Variants in ARSK observed in about 807,000 individuals in gnomAD.
ARSK encodes arylsulfatase K.
In ARSK, 37 loss-of-function variants were observed where a neutral mutation model predicts 53.2. That is an observed-to-expected ratio of 0.70 (90% CI 0.54 to 0.92). The LOEUF (loss-of-function observed/expected upper bound fraction) is 0.92, where lower values mean the gene tolerates loss of function less well. Ranked by LOEUF, ARSK falls within the 40% of genes least tolerant of loss-of-function variation. The pLI is 0.00. For missense variants in ARSK, 613 were observed against 643.0 expected (o/e 0.95, Z 0.51); for synonymous variants, 208 against 223.2 (o/e 0.93, Z 0.61).
chr5:95,560,192 A>T (rs763834206), intron 1 of ARSK, among the ~76,000 whole-genome samples: 3 of 152,242 alleles, frequency 2.0e-5, no homozygotes, highest in Non-Finnish European at 2.9e-5. Flanking sequence ...ACATTTAAAT[A>T]AATGAACAGA....
chr5:95,565,719 A>G (rs765179881), intron 1 of ARSK, among the ~76,000 whole-genome samples: 4 of 152,186 alleles, frequency 2.6e-5, no homozygotes, highest in Admixed American at 2.0e-4. Context: ...ATAGTTAAGT[A>G]TTCAATAAAT....
chr5:95,584,673 A>G (rs534605481), intron 4 of ARSK, among the ~76,000 whole-genome samples: 10 of 152,266 alleles, frequency 6.6e-5, no homozygotes, highest in Admixed American at 3.9e-4. Flanking sequence ...TCCAGAACCT[A>G]CAAGAAACTC....
Position 95,603,332 on chromosome 5 carries a change from T to C in ARSK, c.1417T>C (p.Tyr473His), listed in dbSNP as rs1157024309. 1.9e-6 allele frequency: 3 copies of C among 1,611,456 alleles called. No individual in the cohort carries two copies. The highest frequency in any genetic ancestry group is 2.5e-6 in the Non-Finnish European group (3 of 1,178,722). Residue 473 changes from tyrosine to histidine, a missense_variant, in exon 8 of 8, where the codon TAC (tyrosine) becomes CAC (histidine). Coordinates refer to ENST00000380009, the MANE Select transcript of ARSK (RefSeq NM_198150.3). ...LDQKLHSIIN[Y>H]PKVSASVHQY... ...TCAGAAGCTTCATTCCATTATAAAC[T>C]ACCCTAAAGTTTCTGCTTCTGTCCA...
chr5:95,591,620 T>G lies in ARSK; in HGVS notation c.1091T>G (p.Met364Arg). 1 of 1,612,936 alleles carries G rather than the reference T, an allele frequency of 6.2e-7. No homozygotes were observed. Among genetic ancestry groups the G allele is most frequent in the Non-Finnish European group, 8.5e-7 (1 of 1,178,902 alleles). Residue 364 changes from methionine (M) to arginine (R), a missense_variant, in exon 6 of 8, where the codon ATG (methionine) becomes AGG (arginine). Met to Arg is a moderately conservative substitution (Grantham distance 91). Transcript: ENST00000380009. ...TCTCTTGTGGATATTTACCCTACCA[T>G]GCTTGGTAAGTAATGTAGTTCTGTA... ...VVSLVDIYPT[M>R]LDIAGIPLPQ...
chr5:95,560,870 T>G (rs1282014278), intron 1 of ARSK, among the ~76,000 whole-genome samples: 1 of 148,382 alleles, frequency 6.7e-6, no homozygotes, highest in African/African-American at 2.5e-5. Flanking sequence ...AGTGGCGCAA[T>G]CTCGGCTTAC....
At chr5:95,583,854 A>C (rs116702763) in intron 4 of ARSK, among the ~76,000 whole-genome samples, 1,669 of 152,246 alleles carry the variant, frequency 0.011, 34 homozygotes, top group African/African-American at 0.038. Flanking sequence ...TAACTTTTGC[A>C]CTTTCAATGT....
rs187291739 is a variant in ARSK at position 95,584,404 on chromosome 5, C to T, written c.699+1206C>T. Among the ~76,000 whole-genome samples, 6 of 152,214 alleles carry T rather than the reference C, an allele frequency of 3.9e-5. No homozygotes were observed. In the East Asian group the frequency reaches 7.7e-4, roughly 20 times the overall value. On this transcript the variant is annotated intron_variant, in intron 4 of 7. Transcript: ENST00000380009. ...ACATACCCTGGTAACTGAAGTCTACCGGGGTAATTTTGTTAGGGGACTGGT... is the reference window on the plus strand; with the variant it reads ...ACATACCCTGGTAACTGAAGTCTACTGGGGTAATTTTGTTAGGGGACTGGT...
chr5:95,589,797 A>T (rs1323161966), intron 5 of ARSK, among the ~76,000 whole-genome samples: 1 of 152,166 alleles, frequency 6.6e-6, no homozygotes, highest in Admixed American at 6.5e-5. Context: ...TATACCCAGT[A>T]ATTGGATTGC....
At chr5:95,570,190 A>C (rs928299139) in intron 3 of ARSK, among the ~76,000 whole-genome samples, 2 of 152,246 alleles carry the variant, frequency 1.3e-5, no homozygotes, top group African/African-American at 4.8e-5. Context: ...TTAAAATCCC[A>C]AATCCACAAC....
At chr5:95,568,462 A>G (rs1281331166) in intron 3 of ARSK, among the ~76,000 whole-genome samples, 1 of 152,164 alleles carries the variant, frequency 6.6e-6, no homozygotes, top group Non-Finnish European at 1.5e-5. Flanking sequence ...TAAGTCCTCA[A>G]AAACCAGGCA....
rs577127637 is a variant in ARSK at position 95,559,945 on chromosome 5, C to T, written c.126+4541C>T. On this transcript the variant is annotated intron_variant, in intron 1 of 7. Transcript: ENST00000380009. ...CAGTAATCTTGTATGTAGGATTCTA[C>T]GGCTCCACTACAAAACTATTGAACT... Among the ~76,000 whole-genome samples the T allele has an allele frequency of 1.2e-4, 18 of 152,196 alleles. 1 individual carries two copies. The highest frequency in any genetic ancestry group is 3.6e-4 in the African/African-American group (15 of 41,542).
chr5:95,591,678 A>C, intron 6 of ARSK, 53 bp downstream of exon 6: 1 of 1,570,772 alleles, frequency 6.4e-7, no homozygotes, highest in Non-Finnish European at 8.8e-7. Context: ...GGAGAATGCA[A>C]CTGAAGTTGT....
intron 3 of ARSK, among the ~76,000 whole-genome samples, chr5:95,578,209 T>C (rs894585996): frequency 2.6e-5 from 4 of 152,108 alleles, no homozygotes; most frequent in Non-Finnish European, 4.4e-5. Flanking sequence ...TGGAGTAAAG[T>C]GGCAGGATCA....
At chr5:95,589,655 C>T (rs1259457198) in intron 5 of ARSK, among the ~76,000 whole-genome samples, 1 of 151,978 alleles carries the variant, frequency 6.6e-6, no homozygotes, top group Non-Finnish European at 1.5e-5. Flanking sequence ...AGATGTACCA[C>T]ATTTTCTTTA....
At chr5:95,591,881 G>C (rs1749224257) in intron 6 of ARSK, among the ~76,000 whole-genome samples, 1 of 152,188 alleles carries the variant, frequency 6.6e-6, no homozygotes, top group African/African-American at 2.4e-5. Flanking sequence ...TGTAAAGTAA[G>C]CCATGTAAGA....
intron 2 of ARSK, 62 bp from the exon 3 acceptor site, chr5:95,567,828 G>C: frequency 6.7e-7 from 1 of 1,497,650 alleles, no homozygotes; most frequent in Non-Finnish European, 9.0e-7. Flanking sequence ...CAGAGTAATT[G>C]TCCTAATAGT....
intron 1 of ARSK, among the ~76,000 whole-genome samples, chr5:95,564,727 C>T (rs982350914): frequency 6.6e-6 from 1 of 152,158 alleles, no homozygotes; most frequent in African/African-American, 2.4e-5. Context: ...GGCACACTGC[C>T]TTCTCTCAGC....
chr5:95,570,343 C>G (rs1008564835), intron 3 of ARSK, among the ~76,000 whole-genome samples: 1 of 152,184 alleles, frequency 6.6e-6, no homozygotes, highest in Non-Finnish European at 1.5e-5. Context: ...ATTGCATGAG[C>G]TAGTTTCTCT....
intron 1 of ARSK, among the ~76,000 whole-genome samples, chr5:95,560,035 T>A (rs1328046628): frequency 6.6e-6 from 1 of 152,250 alleles, no homozygotes; most frequent in Non-Finnish European, 1.5e-5. Context: ...ATATACTTAA[T>A]TGATTAACAC....
Sources: allele counts gnomAD v4.1 joint callset (sites outside exome capture counted in the v4.1 genomes callset), GRCh38; gene constraint gnomAD v4.1.1; transcripts MANE v1.5; gene names NCBI Gene and HGNC (gene_info 2026-07-23, HGNC 2026-07-21).